The following KCNH3 variants were observed in gnomAD, a reference collection of about 807,000 sequenced individuals.
KCNH3 encodes the protein voltage-gated inwardly rectifying potassium channel KCNH3.
KCNH3 carries 36 observed loss-of-function variants against 95.6 expected under a neutral mutation model. The observed-to-expected ratio is 0.38, with a 90% CI of 0.29 to 0.50. The LOEUF (loss-of-function observed/expected upper bound fraction) is 0.50, where lower values mean the gene tolerates loss of function less well. Ranked by LOEUF, KCNH3 falls within the 20% of genes least tolerant of loss-of-function variation. The pLI is 0.95. For synonymous variants in KCNH3, 620 were observed against 646.3 expected (o/e 0.96, Z 0.62); for missense variants, 1,030 against 1,484.1 (o/e 0.69, Z 5.03).
chr12:49,541,901 GTGC>G, intron 3 of KCNH3, 137 bp downstream of exon 3: 1 of 854,286 alleles, frequency 1.2e-6, no homozygotes, highest in Non-Finnish European at 1.8e-6. Flanking sequence ...TGAGAGGCCT[GTGC>G]TGCTCTCATC....
chr12:49,545,399 G>A (rs1938025257), intron 7 of KCNH3, among the ~76,000 whole-genome samples: 1 of 144,814 alleles, frequency 6.9e-6, no homozygotes, highest in African/African-American at 2.6e-5. Context: ...CCAGATGCAG[G>A]TGGCTTTTTT....
In KCNH3 at chr12:49,554,394, A is replaced by C; in HGVS notation, c.1976A>C (p.Asn659Thr). Residue 659 changes from asparagine to threonine, a missense_variant, in exon 11 of 15, where the codon AAT becomes ACT. Asn to Thr is a moderately conservative substitution (Grantham distance 65). Around this residue, in one of 9 missense-constraint regions of KCNH3, gnomAD observed 160 missense variants for 316.2 expected, o/e 0.51. Transcript: ENST00000257981. ...LPRREQVVKA[N>T]ADVKGLTYCV... ...CGGCGGGAGCAGGTGGTAAAGGCCA[A>C]TGCCGACGTGAAGGGGCTGACGTAC... 1 of 1,613,348 alleles carries C rather than the reference A, an allele frequency of 6.2e-7. No homozygotes were observed.
At chr12:49,549,693 A>G in intron 9 of KCNH3, 53 bp downstream of exon 9, 1 of 1,504,834 alleles carries the variant, frequency 6.6e-7, no homozygotes, top group Non-Finnish European at 9.0e-7. Flanking sequence ...GGGGGTTTGC[A>G]ATAGCCTAGA....
In KCNH3 at chr12:49,548,957, G is replaced by T; in HGVS notation, c.1252G>T (p.Ala418Ser). The T allele has an allele frequency of 6.2e-7, 1 of 1,608,114 alleles. No individual in the cohort carries two copies. The highest frequency in any genetic ancestry group is 8.5e-7 in the Non-Finnish European group (1 of 1,177,960). ...TPYYLVGRRPAGGNSSGQSDN... is the reference protein window; with the variant it reads ...TPYYLVGRRPSGGNSSGQSDN... ...CTACTACCTGGTGGGCCGGAGGCCAGCTGGAGGGAACAGCTCCGGCCAGAG... is the reference window on the plus strand; with the variant it reads ...CTACTACCTGGTGGGCCGGAGGCCATCTGGAGGGAACAGCTCCGGCCAGAG... The change falls in exon 8 of 15, where the codon GCT (alanine) becomes TCT (serine). Residue 418 changes from alanine to serine, a missense_variant. Coordinates refer to ENST00000257981, the MANE Select transcript of KCNH3 (RefSeq NM_012284.3).
intron 9 of KCNH3, 74 bp downstream of exon 9, chr12:49,549,714 G>C: frequency 1.4e-6 from 2 of 1,413,564 alleles, no homozygotes; most frequent in Non-Finnish European, 1.9e-6. Context: ...ATTATCAGGA[G>C]TGGGGGAGGA....
In KCNH3 at chr12:49,555,729, C is replaced by T. The variant is rs751400709; in HGVS notation, c.2246C>T (p.Pro749Leu). The T allele has an allele frequency of 5.3e-5, 85 of 1,612,746 alleles. No homozygotes were observed. In the Admixed American group the frequency reaches 1.4e-3, roughly 26 times the overall value. ...PTVSPAPADE[P>L]SSPLLSPGCT... Reference sequence around the variant, plus strand: ...GTCTCCCCAGCCCCAGCTGATGAGCCCTCCAGCCCCCTGCTGTCCCCTGGC... The same window carrying T: ...GTCTCCCCAGCCCCAGCTGATGAGCTCTCCAGCCCCCTGCTGTCCCCTGGC... The change falls in exon 12 of 15, where the codon CCC (proline) becomes CTC (leucine). Residue 749 changes from proline (P) to leucine (L), a missense_variant. By Grantham distance (98) the Pro-to-Leu change is moderately conservative. Coordinates refer to ENST00000257981, the MANE Select transcript of KCNH3 (RefSeq NM_012284.3).
chr12:49,550,948 A>T (rs1938237491), intron 10 of KCNH3, among the ~76,000 whole-genome samples: 1 of 152,260 alleles, frequency 6.6e-6, no homozygotes, highest in Non-Finnish European at 1.5e-5. Context: ...AGTAGTGCTG[A>T]TAACAGGGGG....
chr12:49,543,272 CAG>C lies in KCNH3; in HGVS notation c.580-2_580-1del, dbSNP rs1555196228. 5.6e-6 allele frequency: 9 copies of C among 1,613,184 alleles called. No homozygotes were observed. Among genetic ancestry groups the C allele is most frequent in the Non-Finnish European group, 6.8e-6 (8 of 1,179,984 alleles). ...CTGCCTGGACCTGCCCTGCCTCACT[CAG>C]GGGGTGTTTGGGGAGAAACCAAACT... On this transcript the variant is annotated splice_acceptor_variant, in intron 4 of 14. Coordinates refer to ENST00000257981, the MANE Select transcript of KCNH3 (RefSeq NM_012284.3). LOFTEE classifies it high-confidence loss of function.
intron 7 of KCNH3, among the ~76,000 whole-genome samples, chr12:49,546,711 T>G (rs971469520): frequency 6.6e-6 from 1 of 152,138 alleles, no homozygotes; most frequent in Non-Finnish European, 1.5e-5. Flanking sequence ...GGCACAATCC[T>G]GGCCCCAGCT....
intron 7 of KCNH3, among the ~76,000 whole-genome samples, chr12:49,546,724 A>AG (rs1208160736): frequency 3.9e-5 from 6 of 152,136 alleles, no homozygotes; most frequent in Admixed American, 6.5e-5. Context: ...CCCCAGCTTC[A>AG]GGGGTTGCTG....
In KCNH3 at chr12:49,539,318, G is replaced by C. The variant is rs1324922084; in HGVS notation, c.-99G>C. ...TGCCCCCCGACGGCTGCGCTAGGGA[G>C]CGCGGGGCCCGGCGGGGGGCGGCCG... On this transcript the variant is annotated 5_prime_UTR_variant, in exon 1 of 15. Coordinates refer to ENST00000257981, the MANE Select transcript of KCNH3 (RefSeq NM_012284.3). This position sits in a 1 kb window ranked among gnomAD's most constrained non-coding sequence, Gnocchi z 6.7. 3.1e-6 allele frequency: 2 copies of C among 643,838 alleles called. No homozygotes were observed. The highest frequency in any genetic ancestry group is 2.2e-6 in the Non-Finnish European group (1 of 449,692). 39.9% of individuals were successfully genotyped at this position (643,838 alleles called of 1,614,324 possible).
intron 10 of KCNH3, among the ~76,000 whole-genome samples, chr12:49,553,457 A>G (rs1011702103): frequency 6.6e-5 from 10 of 152,144 alleles, no homozygotes; most frequent in Admixed American, 5.2e-4. Context: ...AGGGGGTTCT[A>G]TCTGGGAGGG....
intron 7 of KCNH3, among the ~76,000 whole-genome samples, chr12:49,546,574 A>G (rs1459250503): frequency 6.6e-6 from 1 of 152,148 alleles, no homozygotes; most frequent in Non-Finnish European, 1.5e-5. Flanking sequence ...CCACTAGCCC[A>G]GTGGAGGTGG....
At chr12:49,550,424 C>T (rs554910745) in intron 10 of KCNH3, 95 bp downstream of exon 10, 7 of 1,451,452 alleles carry the variant, frequency 4.8e-6, no homozygotes, top group African/African-American at 4.2e-5. Context: ...TCCACAAGGC[C>T]ACTGAGAGAG....
chr12:49,556,791 C>A (rs1305496581), intron 13 of KCNH3: 3 of 653,910 alleles, frequency 4.6e-6, no homozygotes, highest in Non-Finnish European at 8.5e-6. Context: ...TATAATGTAA[C>A]TGAAAGCCTT....
At chr12:49,548,131 T>TGCGC (rs1381113251) in intron 7 of KCNH3, among the ~76,000 whole-genome samples, 1 of 139,658 alleles carries the variant, frequency 7.2e-6, no homozygotes, top group Non-Finnish European at 1.6e-5. Flanking sequence ...TGTGTGTGTG[T>TGCGC]GTGCGCGCGC....
In KCNH3 at chr12:49,544,016, C is replaced by T; in HGVS notation, c.925C>T (p.Leu309=). 6.2e-7 allele frequency: 1 copy of T among 1,613,968 alleles called. No individual in the cohort carries two copies. The highest frequency in any genetic ancestry group is 8.5e-7 in the Non-Finnish European group (1 of 1,179,786). The stretch of plus-strand genomic sequence containing the variant: ...CCACTACGTCACCACCTGGTTCCTG[C>T]TGGATGTCATCGCAGCGCTGCCCTT... ...CLHYVTTWFL[L]DVIAALPFDL... Residue 309 remains leucine, a synonymous_variant, in exon 6 of 15, where the codon CTG becomes TTG. Transcript: ENST00000257981.
intron 10 of KCNH3, among the ~76,000 whole-genome samples, chr12:49,551,849 C>G (rs950078092): frequency 2.0e-5 from 3 of 152,120 alleles, no homozygotes; most frequent in Non-Finnish European, 4.4e-5. Context: ...AGATGAGAAG[C>G]AGGAAAGGGC....
Position 49,539,396 on chromosome 12 carries a change from G to C in KCNH3, c.-21G>C, listed in dbSNP as rs1429423330. On this transcript the variant is annotated 5_prime_UTR_variant, in exon 1 of 15. Transcript: ENST00000257981. This position sits in a 1 kb window ranked among gnomAD's most constrained non-coding sequence, Gnocchi z 6.7. ...TCCCCGCACCCCGGAGGGATGGGGC[G>C]GGCAGCCGCGGGCGCCTAAGATGCC... is the stretch of plus-strand genomic sequence containing the variant. 3.9e-6 allele frequency: 6 copies of C among 1,524,760 alleles called. No homozygotes were observed. The highest frequency in any genetic ancestry group is 5.3e-6 in the Non-Finnish European group (6 of 1,142,122). The allele number at this position is 1,524,760 out of a possible 1,614,324, so 94.5% of individuals were successfully genotyped here.
Sources: allele counts gnomAD v4.1 joint callset (sites outside exome capture counted in the v4.1 genomes callset), GRCh38; gene constraint gnomAD v4.1.1; regional missense constraint gnomAD v4.1.1; non-coding constraint Gnocchi (gnomAD v3.1); transcripts MANE v1.5; gene names NCBI Gene and HGNC (gene_info 2026-07-23, HGNC 2026-07-21).